The following ST7 variants were observed in gnomAD, a reference collection of about 807,000 sequenced individuals.
The protein encoded by ST7 is suppressor of tumorigenicity 7 protein.
ST7 carries 28 observed loss-of-function variants against 78.7 expected under a neutral mutation model. The observed-to-expected ratio is 0.36, with a 90% confidence interval of 0.26 to 0.49. The LOEUF (loss-of-function observed/expected upper bound fraction) is 0.49. Ranked by LOEUF, ST7 falls within the 20% of genes least tolerant of loss-of-function variation. The probability of loss-of-function intolerance (pLI) is 0.99; values close to 1 mark genes in which losing one functional copy is unlikely to be tolerated. For missense variants in ST7, 418 were observed against 696.0 expected, an observed-to-expected ratio of 0.60 and a Z score of 4.49; for synonymous variants, 247 against 249.6, an observed-to-expected ratio of 0.99 and a Z score of 0.10.
At chr7:116,976,187 C>G (rs1461518544) in intron 1 of ST7, among the ~76,000 whole-genome samples, 4 of 152,038 alleles carry the variant, frequency 2.6e-5, no homozygotes, top group Non-Finnish European at 4.4e-5. Context: ...TTGCCTGAAC[C>G]CAGGAGACGG....
chr7:117,099,822 C>T lies in ST7; in HGVS notation c.212C>T (p.Ser71Leu). 1 of 1,613,568 alleles carries T rather than the reference C, an allele frequency of 6.2e-7. No homozygotes were observed. Residue 71 changes from serine (S) to leucine (L), a missense_variant, in exon 2 of 16, where the codon TCA (serine) becomes TTA (leucine). Around this residue, in one of 4 missense-constraint regions of ST7, gnomAD observed 23 missense variants for 67.7 expected, o/e 0.34. Transcript: ENST00000323984. ...TACGTGGCCCTAACAGGCACTTCCT[C>T]ACTAATATCAGGGCTTATTTTGGTA... ...KFYVALTGTS[S>L]LISGLILIFE...
intron 9 of ST7, among the ~76,000 whole-genome samples, chr7:117,150,213 C>G (rs752984518): frequency 1.8e-4 from 28 of 152,152 alleles, no homozygotes; most frequent in Non-Finnish European, 3.7e-4. Flanking sequence ...CAGTCTTGTT[C>G]TCTGGCTTCT....
At chr7:117,053,257 A>C (rs1455407382) in intron 1 of ST7, among the ~76,000 whole-genome samples, 1 of 152,212 alleles carries the variant, frequency 6.6e-6, no homozygotes, top group Non-Finnish European at 1.5e-5. Context: ...GCAGCTATAG[A>C]ATAATGATCA....
chr7:117,043,917 T>C (rs1797358761), intron 1 of ST7, among the ~76,000 whole-genome samples: 1 of 152,210 alleles, frequency 6.6e-6, no homozygotes, highest in Non-Finnish European at 1.5e-5. Flanking sequence ...TCTTAACTTT[T>C]TAGCCAGTTT....
At chr7:117,020,019 C>T (rs984032063) in intron 1 of ST7, among the ~76,000 whole-genome samples, 2 of 152,178 alleles carry the variant, frequency 1.3e-5, no homozygotes, top group Middle Eastern at 3.2e-3. Context: ...TCCTCTTTTA[C>T]TGCCTGGTAT....
At chr7:117,101,249 C>G (rs1801548036) in intron 2 of ST7, among the ~76,000 whole-genome samples, 1 of 152,160 alleles carries the variant, frequency 6.6e-6, no homozygotes, top group Admixed American at 6.5e-5. Flanking sequence ...CACACATCTC[C>G]ATTCCGAGTT....
chr7:117,150,334 C>T (rs1806151431), intron 9 of ST7, among the ~76,000 whole-genome samples: 1 of 152,182 alleles, frequency 6.6e-6, no homozygotes, highest in African/African-American at 2.4e-5. Flanking sequence ...TCTTTTCATG[C>T]AGTTACCCAT....
chr7:117,058,984 C>T (rs1277140304), intron 1 of ST7, among the ~76,000 whole-genome samples: 1 of 151,918 alleles, frequency 6.6e-6, no homozygotes, highest in African/African-American at 2.4e-5. Flanking sequence ...TTTGTAGGAG[C>T]TAAAAGTTAA....
intron 1 of ST7, among the ~76,000 whole-genome samples, chr7:117,063,598 A>C (rs1798471106): frequency 6.6e-6 from 1 of 152,122 alleles, no homozygotes; most frequent in South Asian, 2.1e-4. Flanking sequence ...AGTCCCAGCT[A>C]CCTGAGAGGC....
intron 13 of ST7, among the ~76,000 whole-genome samples, chr7:117,217,751 G>C (rs572533780): frequency 6.6e-6 from 1 of 152,320 alleles, no homozygotes; most frequent in South Asian, 2.1e-4. Context: ...GAGGAAAATT[G>C]ATAACATTTT....
At chr7:117,077,729 T>C (rs2116575808) in intron 1 of ST7, among the ~76,000 whole-genome samples, 1 of 152,344 alleles carries the variant, frequency 6.6e-6, no homozygotes, top group South Asian at 2.1e-4. Context: ...GCATGTGGAT[T>C]TGCCTCATTT....
intron 1 of ST7, among the ~76,000 whole-genome samples, chr7:117,031,552 A>G: frequency 3.1e-3 from 1 of 318 alleles, no homozygotes; most frequent in African/African-American, 3.9e-3. Flanking sequence ...ATATGTGCAT[A>G]TATATGCATA....
At chr7:117,044,301 G>A (rs1297167804) in intron 1 of ST7, among the ~76,000 whole-genome samples, 1 of 152,210 alleles carries the variant, frequency 6.6e-6, no homozygotes, top group Non-Finnish European at 1.5e-5. Context: ...GCCTGATAAA[G>A]TCAGCATCAT....
At chr7:116,991,307 G>T (rs1392379146) in intron 1 of ST7, among the ~76,000 whole-genome samples, 1 of 152,152 alleles carries the variant, frequency 6.6e-6, no homozygotes, top group African/African-American at 2.4e-5. Flanking sequence ...ATTCAGCCAT[G>T]TATTAGTCTG....
At chr7:117,105,974 TTTTTTGTTTTTG>T (rs547032449) in intron 2 of ST7, among the ~76,000 whole-genome samples, 24 of 150,844 alleles carry the variant, frequency 1.6e-4, no homozygotes, top group East Asian at 5.9e-4. Flanking sequence ...AAAGGAAATG[TTTTTTGTTTTTG>T]TTTTTGTTTT....
chr7:117,136,821 A>T (rs533945754), intron 8 of ST7: 1 of 152,894 alleles, frequency 6.5e-6, no homozygotes, highest in South Asian at 2.1e-4. Context: ...TTTTAAATTT[A>T]AGATAACTCT....
intron 1 of ST7, among the ~76,000 whole-genome samples, chr7:117,007,495 CAT>C (rs1181570362): frequency 6.6e-6 from 1 of 152,170 alleles, no homozygotes; most frequent in South Asian, 2.1e-4. Context: ...ATCTGCATAA[CAT>C]AAAAGTGCAA....
intron 15 of ST7, among the ~76,000 whole-genome samples, chr7:117,227,352 A>C (rs769126161): frequency 1.3e-5 from 2 of 152,176 alleles, no homozygotes; most frequent in Non-Finnish European, 2.9e-5. Context: ...GTTTTTGGCC[A>C]AGTCTTCAGG....
chr7:117,151,801 C>T (rs1806266786), intron 9 of ST7, among the ~76,000 whole-genome samples: 1 of 151,982 alleles, frequency 6.6e-6, no homozygotes, highest in Non-Finnish European at 1.5e-5. Context: ...TCGTAAAACT[C>T]AAGATAAGAG....
Sources: allele counts gnomAD v4.1 joint callset (sites outside exome capture counted in the v4.1 genomes callset), GRCh38; gene constraint gnomAD v4.1.1; regional missense constraint gnomAD v4.1.1; transcripts MANE v1.5; gene names NCBI Gene and HGNC (gene_info 2026-07-23, HGNC 2026-07-21).